The following FOXP1 variants were observed in gnomAD, a reference collection of about 807,000 sequenced individuals.
FOXP1 encodes forkhead box protein P1.
A neutral mutation model predicts 98.2 loss-of-function variants in FOXP1; 15 were observed. The ratio of observed to expected loss-of-function variants is 0.15; its 90% CI spans 0.10 to 0.24. The LOEUF (loss-of-function observed/expected upper bound fraction) is 0.24, where lower values mean the gene tolerates loss of function less well. Among genes scored for constraint, FOXP1 ranks in the 10% least tolerant of loss-of-function variants. FOXP1 has a pLI of 1.00. For missense variants in FOXP1, 633 were observed against 848.5 expected (o/e 0.75, Z 3.15); for synonymous variants, 371 against 314.5 (o/e 1.18, Z -1.90).
chr3:71,410,984 T>A (rs2082684371), intron 3 of FOXP1, among the ~76,000 whole-genome samples: 1 of 152,192 alleles, frequency 6.6e-6, no homozygotes, highest in African/African-American at 2.4e-5. Flanking sequence ...GGCAAGCTGT[T>A]TACTCCCAGA....
intron 12 of FOXP1, 110 bp from the exon 13 acceptor site, chr3:71,001,169 ATAG>A: frequency 1.3e-6 from 1 of 778,406 alleles, no homozygotes; most frequent in Non-Finnish European, 2.2e-6. Flanking sequence ...CTCCCAGGAG[ATAG>A]TAGTCCAGGG....
intron 4 of FOXP1, among the ~76,000 whole-genome samples, chr3:71,319,017 G>C (rs2075245277): frequency 6.6e-6 from 1 of 152,132 alleles, no homozygotes; most frequent in Non-Finnish European, 1.5e-5. Flanking sequence ...ACCCCAAAGA[G>C]GGCAGAAACA....
At chr3:71,551,174 G>A (rs184862514) in intron 2 of FOXP1, among the ~76,000 whole-genome samples, 4 of 151,946 alleles carry the variant, frequency 2.6e-5, no homozygotes, top group Admixed American at 2.0e-4. Context: ...TGTTCAAAGG[G>A]GTAAATACAA....
At chr3:71,200,984 T>C (rs1522171) in intron 5 of FOXP1, among the ~76,000 whole-genome samples, 129,786 of 152,226 alleles carry the variant, frequency 0.85, 55,347 homozygotes, top group Admixed American at 0.91. Context: ...TTAAGTTGAT[T>C]CAATTCAAAA....
intron 2 of FOXP1, among the ~76,000 whole-genome samples, chr3:71,552,202 T>C (rs1578146307): frequency 6.6e-6 from 1 of 152,106 alleles, no homozygotes; most frequent in South Asian, 2.1e-4. Context: ...GAAAGAAATA[T>C]GGGAAAAGGT....
chr3:71,370,484 T>G (rs2079218011), intron 3 of FOXP1, among the ~76,000 whole-genome samples: 2 of 152,176 alleles, frequency 1.3e-5, no homozygotes, highest in African/African-American at 4.8e-5. Flanking sequence ...TAATTATCCT[T>G]AAAAATACAA....
chr3:71,246,111 G>A (rs2067723211), intron 5 of FOXP1, among the ~76,000 whole-genome samples: 1 of 152,058 alleles, frequency 6.6e-6, no homozygotes, highest in Admixed American at 6.5e-5. Context: ...TCTGGAGGCA[G>A]CTGAGCAGCA....
rs772944612 is a variant in FOXP1 at position 71,348,522 on chromosome 3, CGTGT to C, written c.-73+10624_-73+10627del. Among the ~76,000 whole-genome samples, 358 of 70,000 alleles carry C rather than the reference CGTGT, an allele frequency of 5.1e-3. 2 individuals are homozygous for C. Among genetic ancestry groups the C allele is most frequent in the African/African-American group, 0.011 (304 of 27,314 alleles). 45.9% of individuals were successfully genotyped at this position (70,000 alleles called of 152,430 possible). ...GCTGTGTTCAGTGTGTGTGTGTGTGCGTGTGTGTGTGTGTGTGTGTGTGTGTGCG... is the reference window on the plus strand; with the variant it reads ...GCTGTGTTCAGTGTGTGTGTGTGTGCGTGTGTGTGTGTGTGTGTGTGTGCG... On this transcript the variant is annotated intron_variant, in intron 4 of 20. Transcript: ENST00000649528.
At chr3:71,549,190 G>C (rs1381721453) in intron 2 of FOXP1, among the ~76,000 whole-genome samples, 1 of 152,072 alleles carries the variant, frequency 6.6e-6, no homozygotes, top group Non-Finnish European at 1.5e-5. Flanking sequence ...TCAACTCTTA[G>C]CAACATACTG....
rs1014694579 is a variant in FOXP1 at position 71,130,720 on chromosome 3, A to G, written c.181-18083T>C. The G allele has an allele frequency of 3.3e-6, 5 of 1,519,922 alleles. No individual in the cohort carries two copies. The African/African-American group carries it at 4.1e-5, about 13-fold the overall frequency. 94.2% of individuals were successfully genotyped at this position (1,519,922 alleles called of 1,614,324 possible). A position where few individuals can be genotyped will look rare whatever the true frequency, so the allele number is the denominator to read the frequency against. ...GGCAACCTCAGGGAGGTTTGCCTCCACAGTAGCTGGCTGGGCTCTCACTAA... is the reference window on the plus strand; with the variant it reads ...GGCAACCTCAGGGAGGTTTGCCTCCGCAGTAGCTGGCTGGGCTCTCACTAA... On this transcript the variant is annotated intron_variant, in intron 6 of 20. Transcript: ENST00000649528.
chr3:71,384,503 C>T (rs548135569), intron 3 of FOXP1, among the ~76,000 whole-genome samples: 32 of 152,246 alleles, frequency 2.1e-4, no homozygotes, highest in African/African-American at 7.0e-4. Flanking sequence ...AAAGTTCAAG[C>T]CAATTTTATT....
chr3:70,967,489 C>A (rs2035059817), intron 19 of FOXP1, among the ~76,000 whole-genome samples: 1 of 152,078 alleles, frequency 6.6e-6, no homozygotes, highest in Non-Finnish European at 1.5e-5. Flanking sequence ...GGGGGAAAAT[C>A]CTGTGTTTAT....
At chr3:71,582,867 C>G (rs2048298412) in intron 1 of FOXP1, 1 of 946,650 alleles carries the variant, frequency 1.1e-6, no homozygotes, top group African/African-American at 1.8e-5. Flanking sequence ...GTAACGCGCG[C>G]GTGGCAGCGG....
At chr3:71,473,369 G>A (rs193099112) in intron 3 of FOXP1, among the ~76,000 whole-genome samples, 189 of 151,944 alleles carry the variant, frequency 1.2e-3, no homozygotes, top group Admixed American at 3.2e-3. Context: ...AGATAGGATC[G>A]ATGTGAAAAA....
chr3:71,544,001 A>T (rs1398354211), intron 2 of FOXP1, among the ~76,000 whole-genome samples: 2 of 79,724 alleles, frequency 2.5e-5, no homozygotes, highest in African/African-American at 6.3e-5. Context: ...ATATACACAC[A>T]TGTATGTGTG....
intron 5 of FOXP1, among the ~76,000 whole-genome samples, chr3:71,243,881 T>G (rs1299104235): frequency 6.6e-6 from 1 of 152,118 alleles, no homozygotes; most frequent in Non-Finnish European, 1.5e-5. Flanking sequence ...AACCTCCACC[T>G]TGGCTCCAAC....
At chr3:71,197,289 G>A (rs1385252880) in intron 6 of FOXP1, among the ~76,000 whole-genome samples, 1 of 152,002 alleles carries the variant, frequency 6.6e-6, no homozygotes. Flanking sequence ...GAACAAAACC[G>A]GTCATAAACC....
chr3:71,497,132 A>C (rs1239889973), intron 2 of FOXP1, among the ~76,000 whole-genome samples: 2 of 152,138 alleles, frequency 1.3e-5, no homozygotes, highest in Non-Finnish European at 2.9e-5. Context: ...TACCCAAATA[A>C]ATTATCCTTT....
intron 7 of FOXP1, among the ~76,000 whole-genome samples, chr3:71,110,696 C>T (rs2057845163): frequency 6.6e-6 from 1 of 152,180 alleles, no homozygotes; most frequent in Admixed American, 6.5e-5. Context: ...AAACACAATT[C>T]CCAGTCTGAC....
Sources: gnomAD v4.1 joint callset for allele counts (sites outside exome capture counted in the v4.1 genomes callset) on GRCh38, gnomAD v4.1.1 for gene constraint, MANE v1.5 for transcripts, NCBI Gene and HGNC (gene_info 2026-07-23, HGNC 2026-07-21) for gene names.